DAPK2: variants seen among roughly 807,000 people sequenced by gnomAD.
DAPK2 encodes death associated protein kinase 2, also known as death-associated protein kinase 2.
DAPK2 carries 35 observed loss-of-function variants against 44.1 expected under a neutral mutation model. The ratio of observed to expected loss-of-function variants is 0.79; its 90% CI spans 0.61 to 1.05. The LOEUF (loss-of-function observed/expected upper bound fraction) is 1.05. Among genes scored for constraint, DAPK2 ranks in the 50% least tolerant of loss-of-function variants. DAPK2 has a pLI of 0.00. For missense variants in DAPK2, 453 were observed against 483.2 expected (o/e 0.94, Z 0.59); for synonymous variants, 174 against 182.6 (o/e 0.95, Z 0.38).
rs1016627596 is a variant in DAPK2 at position 63,917,965 on chromosome 15, G to A, written c.859-5768C>T. Reference sequence around the variant, plus strand: ...CCAGACACTGAATCTTTTATTTGAGGTTATCTTGTCCTTGTCTGTCACCTC... The same window carrying A: ...CCAGACACTGAATCTTTTATTTGAGATTATCTTGTCCTTGTCTGTCACCTC... On this transcript the variant is annotated intron_variant, in intron 8 of 10. Coordinates refer to ENST00000261891, the Ensembl canonical transcript of DAPK2. The surrounding 1 kb of genome is among the most constrained non-coding windows in gnomAD (Gnocchi z 4.4). 6.6e-6 allele frequency: 1 copy of A among 152,154 alleles called. No individual in the cohort carries two copies. The highest frequency in any genetic ancestry group is 2.4e-5 in the African/African-American group (1 of 41,408). 9.4% of individuals were successfully genotyped at this position (152,154 alleles called of 1,614,324 possible). A position where few individuals can be genotyped will look rare whatever the true frequency, so the allele number is the denominator to read the frequency against.
In DAPK2 at chr15:63,924,729, T is replaced by C. The variant is rs1039471067; in HGVS notation, c.858+87A>G. On this transcript the variant is annotated intron_variant, in intron 8 of 10. Coordinates refer to ENST00000261891, the Ensembl canonical transcript of DAPK2. ...AGTGTTTAAAGCAAAGGCCTCTCCATGGGCCCTCTGCATCTGGCTGCCCAG... is the reference window on the plus strand; with the variant it reads ...AGTGTTTAAAGCAAAGGCCTCTCCACGGGCCCTCTGCATCTGGCTGCCCAG... The C allele has an allele frequency of 2.1e-6, 3 of 1,461,342 alleles. No individual in the cohort carries two copies. In the African/African-American group the frequency reaches 4.2e-5, roughly 20 times the overall value. The allele number at this position is 1,461,342 out of a possible 1,614,324, so 90.5% of individuals were successfully genotyped here. A position where few individuals can be genotyped will look rare whatever the true frequency, so the allele number is the denominator to read the frequency against.
At chr15:64,002,954 G>GGGACC (rs1244295420) in intron 1 of DAPK2, among the ~76,000 whole-genome samples, 37 of 128,556 alleles carry the variant, frequency 2.9e-4, no homozygotes, top group East Asian at 1.2e-3. Context: ...GTGTGTGTGT[G>GGGACC]TGTGTGTGTG....
chr15:63,965,383 A>C (rs1191769791), intron 3 of DAPK2, among the ~76,000 whole-genome samples: 1 of 152,208 alleles, frequency 6.6e-6, no homozygotes, highest in Non-Finnish European at 1.5e-5. Context: ...GGCCATCACC[A>C]CTGGGATTGT....
At chr15:63,962,455 C>T (rs982461094) in intron 3 of DAPK2, among the ~76,000 whole-genome samples, 11 of 152,216 alleles carry the variant, frequency 7.2e-5, no homozygotes, top group Non-Finnish European at 1.3e-4. Flanking sequence ...AGCTTTTCTG[C>T]TCTGATTTCT....
intron 3 of DAPK2, among the ~76,000 whole-genome samples, chr15:63,945,408 C>T (rs893027365): frequency 3.3e-5 from 5 of 152,166 alleles, no homozygotes; most frequent in African/African-American, 1.2e-4. Flanking sequence ...TGAAAGAATC[C>T]AGGGCCAGAG....
chr15:63,969,845 G>A (rs1018501645), intron 3 of DAPK2, among the ~76,000 whole-genome samples: 2 of 152,174 alleles, frequency 1.3e-5, no homozygotes, highest in Non-Finnish European at 2.9e-5. Flanking sequence ...AGCTGGGGTA[G>A]GGACTCATAT....
Position 63,994,322 on chromosome 15 carries a change from GTGC to G in DAPK2, c.93-10571_93-10569del, listed in dbSNP as rs1468212647. ...CCTTGTCATCCTTGGCTGGCCCCCA[GTGC>G]AGCAGGAACCCTTCATTGGCAGACT... is the stretch of plus-strand genomic sequence containing the variant. On this transcript the variant is annotated intron_variant, in intron 1 of 10. Coordinates refer to ENST00000261891, the Ensembl canonical transcript of DAPK2. Among the ~76,000 whole-genome samples the G allele has an allele frequency of 5.9e-5, 9 of 152,176 alleles. No homozygotes were observed. In the East Asian group the frequency reaches 1.7e-3, roughly 29 times the overall value.
intron 4 of DAPK2, among the ~76,000 whole-genome samples, chr15:63,935,311 G>A (rs893646134): frequency 1.3e-5 from 2 of 151,628 alleles, no homozygotes; most frequent in East Asian, 1.9e-4. Context: ...GGCTGGTCTC[G>A]AGCTCCTGAC....
intron 1 of DAPK2, among the ~76,000 whole-genome samples, chr15:64,003,134 T>G (rs1436523667): frequency 6.6e-6 from 1 of 151,782 alleles, no homozygotes; most frequent in African/African-American, 2.4e-5. Flanking sequence ...GTGGATGCAA[T>G]AAGGCCACAA....
intron 1 of DAPK2, among the ~76,000 whole-genome samples, chr15:64,002,954 G>GACC (rs1244295420): frequency 1.6e-5 from 2 of 128,594 alleles, no homozygotes; most frequent in African/African-American, 6.0e-5. Context: ...GTGTGTGTGT[G>GACC]TGTGTGTGTG....
rs28835117 is a variant in DAPK2 at position 63,962,157 on chromosome 15, G to A, written c.453+9266C>T. ...ATCAGCTACTGAAGCTTGTGTATGC[G>A]TCACATAGTTCTCGTGCCAGGGTTT... On this transcript the variant is annotated intron_variant, in intron 3 of 10. Coordinates refer to ENST00000261891, the Ensembl canonical transcript of DAPK2. 6.5e-3 allele frequency among the ~76,000 whole-genome samples: 995 copies of A among 152,134 alleles called. 12 individuals carry two copies. The highest frequency in any genetic ancestry group is 0.023 in the African/African-American group (954 of 41,482).
chr15:64,016,707 C>T (rs540036489), intron 1 of DAPK2, among the ~76,000 whole-genome samples: 8 of 151,800 alleles, frequency 5.3e-5, no homozygotes, highest in East Asian at 1.9e-4. Context: ...GTGGGAAGAT[C>T]GCTTGAGCCC....
chr15:64,015,550 T>A (rs974232516), intron 1 of DAPK2, among the ~76,000 whole-genome samples: 2 of 152,216 alleles, frequency 1.3e-5, no homozygotes, highest in African/African-American at 4.8e-5. Context: ...TATTTCCATA[T>A]TCTAACCCCT....
chr15:64,037,458 C>T (rs753776348), intron 1 of DAPK2, among the ~76,000 whole-genome samples: 2 of 152,330 alleles, frequency 1.3e-5, no homozygotes, highest in East Asian at 3.9e-4. Context: ...CATTTCTTAG[C>T]CCTTAACACA....
intron 3 of DAPK2, among the ~76,000 whole-genome samples, chr15:63,963,602 T>C (rs1049545394): frequency 2.6e-5 from 4 of 152,190 alleles, no homozygotes; most frequent in Non-Finnish European, 5.9e-5. Flanking sequence ...TTATTTCTGG[T>C]TGTTTTGTTG....
intron 1 of DAPK2, among the ~76,000 whole-genome samples, chr15:64,032,812 G>T (rs773452675): frequency 2.6e-5 from 4 of 152,046 alleles, no homozygotes; most frequent in African/African-American, 4.8e-5. Flanking sequence ...TTAGGTGGGC[G>T]TGGTGGTTCA....
intron 3 of DAPK2, among the ~76,000 whole-genome samples, chr15:63,964,934 C>T (rs992626227): frequency 5.9e-5 from 9 of 152,230 alleles, no homozygotes; most frequent in African/African-American, 1.9e-4. Context: ...TCTGTCTCTC[C>T]AGGATTGGTC....
chr15:63,944,397 G>C (rs1437405575), intron 3 of DAPK2, among the ~76,000 whole-genome samples: 1 of 152,128 alleles, frequency 6.6e-6, no homozygotes, highest in Non-Finnish European at 1.5e-5. Context: ...CTATAGGCTG[G>C]CCAGGGGATT....
rs374205076 is a variant in DAPK2, at chr15:63,988,198, C to T, written c.93-4444G>A. On this transcript the variant is annotated intron_variant, in intron 1 of 10. Transcript: ENST00000261891. ...ACCTGGGAGGACAAGTGGGCTGTGTCAAGATCAGTGTCACTGGCAGATGGG... is the reference window on the plus strand; with the variant it reads ...ACCTGGGAGGACAAGTGGGCTGTGTTAAGATCAGTGTCACTGGCAGATGGG... 1.7e-3 allele frequency among the ~76,000 whole-genome samples: 266 copies of T among 152,268 alleles called. 12 individuals carry two copies. The South Asian group carries it at 0.054, about 31-fold the overall frequency.
Sources: allele counts gnomAD v4.1 joint callset (sites outside exome capture counted in the v4.1 genomes callset), GRCh38; gene constraint gnomAD v4.1.1; non-coding constraint Gnocchi (gnomAD v3.1); transcripts MANE v1.5; gene names NCBI Gene and HGNC (gene_info 2026-07-23, HGNC 2026-07-21).